The following MTBP variants were observed in gnomAD, a reference collection of about 807,000 sequenced individuals.
The protein encoded by MTBP is MDM2 binding protein.
A neutral mutation model predicts 117.0 loss-of-function variants in MTBP; 101 were observed. The observed-to-expected ratio is 0.86, with a 90% CI of 0.73 to 1.02. The LOEUF (loss-of-function observed/expected upper bound fraction) is 1.02, where lower values mean the gene tolerates loss of function less well. Ranked by LOEUF, MTBP falls within the 50% of genes least tolerant of loss-of-function variation. The pLI is 0.00. For synonymous variants in MTBP, 350 were observed against 351.5 expected (o/e 1.00, Z 0.05); for missense variants, 970 against 1,030.9 (o/e 0.94, Z 0.81).
chr8:120,494,012 T>TATTCTTG (rs1289508007), intron 13 of MTBP, among the ~76,000 whole-genome samples: 2 of 152,220 alleles, frequency 1.3e-5, no homozygotes, highest in Non-Finnish European at 2.9e-5. Context: ...CTGTTACTAA[T>TATTCTTG]ATTCTTGATT....
At chr8:120,480,405 G>A (rs1814053438) in intron 11 of MTBP, among the ~76,000 whole-genome samples, 1 of 151,654 alleles carries the variant, frequency 6.6e-6, no homozygotes. Context: ...GCGAGACTCC[G>A]TCTCAAAAAA....
intron 11 of MTBP, among the ~76,000 whole-genome samples, chr8:120,479,777 A>G (rs1814033340): frequency 6.6e-6 from 1 of 152,220 alleles, no homozygotes. Flanking sequence ...GGAAATTACA[A>G]AATAGTTTTA....
At chr8:120,458,854 A>G (rs1166351216) in intron 7 of MTBP, among the ~76,000 whole-genome samples, 1 of 151,906 alleles carries the variant, frequency 6.6e-6, no homozygotes, top group Non-Finnish European at 1.5e-5. Flanking sequence ...AGCCAAAAAA[A>G]AAAAAAAAAA....
chr8:120,504,000 G>A lies in MTBP; in HGVS notation c.1727+1391G>A, dbSNP rs141388509. Among the ~76,000 whole-genome samples the A allele has an allele frequency of 7.7e-3, 1,168 of 152,182 alleles. 15 individuals carry two copies. The highest frequency in any genetic ancestry group is 8.9e-3 in the Non-Finnish European group (605 of 67,954). On this transcript the variant is annotated intron_variant, in intron 15 of 21. Coordinates refer to ENST00000305949, the MANE Select transcript of MTBP (RefSeq NM_022045.5). ...AAGAATTCTTCTTTAGGGATGATACGTTTGATCTATCCAAGTGGAAATAAC... is the reference window on the plus strand; with the variant it reads ...AAGAATTCTTCTTTAGGGATGATACATTTGATCTATCCAAGTGGAAATAAC...
At chr8:120,488,084 T>C (rs1325928485) in intron 11 of MTBP, 75 bp from the exon 12 acceptor site, 1 of 1,223,142 alleles carries the variant, frequency 8.2e-7, no homozygotes, top group African/African-American at 1.6e-5. Flanking sequence ...TTATATCCTA[T>C]GGATCAAATG....
intron 11 of MTBP, among the ~76,000 whole-genome samples, chr8:120,480,832 CAA>C (rs1814066816): frequency 6.6e-6 from 1 of 151,748 alleles, no homozygotes; most frequent in Non-Finnish European, 1.5e-5. Flanking sequence ...AAAAAGAAAA[CAA>C]ATTTATAAAG....
At chr8:120,446,761 T>G (rs1477050847) in intron 2 of MTBP, among the ~76,000 whole-genome samples, 1 of 152,194 alleles carries the variant, frequency 6.6e-6, no homozygotes, top group African/African-American at 2.4e-5. Flanking sequence ...TTATGAAATT[T>G]TCTTGCCTAT....
At chr8:120,491,577 T>TACAC (rs1237273541) in intron 13 of MTBP, among the ~76,000 whole-genome samples, 2 of 152,192 alleles carry the variant, frequency 1.3e-5, no homozygotes, top group African/African-American at 4.8e-5. Flanking sequence ...CATAAATACA[T>TACAC]ACACACACAT....
intron 11 of MTBP, chr8:120,472,665 C>T (rs1298497580): frequency 1.3e-5 from 2 of 152,142 alleles, no homozygotes; most frequent in African/African-American, 4.8e-5. Flanking sequence ...GGAATTTTTC[C>T]ATGGTGGCTC....
intron 8 of MTBP, 81 bp downstream of exon 8, chr8:120,459,430 T>C: frequency 7.3e-7 from 1 of 1,368,588 alleles, no homozygotes; most frequent in East Asian, 2.4e-5. Context: ...TGACTTAATA[T>C]TACTAATATA....
At chr8:120,498,273 T>G (rs547620860) in intron 14 of MTBP, among the ~76,000 whole-genome samples, 2 of 152,304 alleles carry the variant, frequency 1.3e-5, no homozygotes, top group Non-Finnish European at 1.5e-5. Context: ...ATTGAATGAG[T>G]TGATACCTGT....
chr8:120,489,533 T>C (rs1363622518), intron 12 of MTBP, among the ~76,000 whole-genome samples: 1 of 152,236 alleles, frequency 6.6e-6, no homozygotes, highest in Non-Finnish European at 1.5e-5. Context: ...ATCATCACTA[T>C]GCCAGCCACC....
chr8:120,466,301 T>C (rs1298502154), intron 10 of MTBP, among the ~76,000 whole-genome samples: 8 of 149,114 alleles, frequency 5.4e-5, no homozygotes, highest in Admixed American at 1.4e-4. Flanking sequence ...AACCTCCGTC[T>C]CCCGGGTTCA....
At position 120,461,304 on chromosome 8, in the gene MTBP, G is replaced by A. The variant is rs1198090490; in HGVS notation, c.977+49G>A. The A allele has an allele frequency of 2.3e-6, 3 of 1,315,910 alleles. No individual in the cohort carries two copies. In the South Asian group the frequency reaches 3.6e-5, roughly 16 times the overall value. 81.5% of individuals were successfully genotyped at this position (1,315,910 alleles called of 1,614,324 possible). On this transcript the variant is annotated intron_variant, in intron 9 of 21. Coordinates refer to ENST00000305949, the MANE Select transcript of MTBP (RefSeq NM_022045.5). ...TTTTAGATTACATTTTCTGTGTCAGGTAGAATGTTCTGGTATTGTCAGGTA... is the reference window on the plus strand; with the variant it reads ...TTTTAGATTACATTTTCTGTGTCAGATAGAATGTTCTGGTATTGTCAGGTA...
At chr8:120,496,520 C>A (rs902217776) in intron 13 of MTBP, among the ~76,000 whole-genome samples, 3 of 152,080 alleles carry the variant, frequency 2.0e-5, no homozygotes, top group African/African-American at 7.2e-5. Flanking sequence ...ATCTAGAGTT[C>A]TTTTCTCTGA....
intron 16 of MTBP, among the ~76,000 whole-genome samples, chr8:120,509,599 C>G (rs1286061623): frequency 6.6e-6 from 1 of 151,994 alleles, no homozygotes; most frequent in Non-Finnish European, 1.5e-5. Flanking sequence ...GAGACTCCGT[C>G]CCCACCGCCC....
At chr8:120,446,050 T>G (rs1813219179) in intron 1 of MTBP, among the ~76,000 whole-genome samples, 1 of 150,000 alleles carries the variant, frequency 6.7e-6, no homozygotes. Flanking sequence ...TTGTTTGCGA[T>G]TGCACTGCTT....
intron 13 of MTBP, among the ~76,000 whole-genome samples, chr8:120,492,555 AAAAC>A (rs1814367728): frequency 6.6e-6 from 1 of 152,208 alleles, no homozygotes; most frequent in South Asian, 2.1e-4. Context: ...TGTTTACAGA[AAAAC>A]AAAATTTGTT....
At chr8:120,460,947 A>G (rs1211070740) in intron 8 of MTBP, among the ~76,000 whole-genome samples, 2 of 152,162 alleles carry the variant, frequency 1.3e-5, no homozygotes, top group East Asian at 1.9e-4. Flanking sequence ...CTTCCTGGTT[A>G]CTAAGTGATC....
Sources: allele counts gnomAD v4.1 joint callset (sites outside exome capture counted in the v4.1 genomes callset), GRCh38; gene constraint gnomAD v4.1.1; transcripts MANE v1.5; gene names NCBI Gene and HGNC (gene_info 2026-07-23, HGNC 2026-07-21).